Variants in RIT2 observed in about 807,000 individuals in gnomAD.
RIT2 encodes the protein GTP-binding protein Rit2.
RIT2 carries 24 observed loss-of-function variants against 23.7 expected under a neutral mutation model. The ratio of observed to expected loss-of-function variants is 1.01; its 90% CI spans 0.73 to 1.43. RIT2 has a LOEUF of 1.43. Among genes scored for constraint, RIT2 ranks in the 40% most tolerant of loss-of-function variants. The pLI is 0.00. For synonymous variants in RIT2, 107 were observed against 91.1 expected, an observed-to-expected ratio of 1.17 and a Z score of -0.99; for missense variants, 236 against 266.9, an observed-to-expected ratio of 0.88 and a Z score of 0.81.
chr18:43,102,905 C>T (rs1433909694), intron 1 of RIT2, among the ~76,000 whole-genome samples: 1 of 152,264 alleles, frequency 6.6e-6, no homozygotes, highest in Admixed American at 6.5e-5. Flanking sequence ...CTGCCCACCT[C>T]GGCCTCCCAA....
At chr18:42,835,092 T>G (rs943650349) in intron 4 of RIT2, among the ~76,000 whole-genome samples, 1 of 152,302 alleles carries the variant, frequency 6.6e-6, no homozygotes, top group East Asian at 1.9e-4. Context: ...ATGTTTCACT[T>G]TTAACTATTT....
chr18:43,061,790 C>T (rs1466271387), intron 1 of RIT2, among the ~76,000 whole-genome samples: 3 of 152,106 alleles, frequency 2.0e-5, no homozygotes, highest in East Asian at 3.9e-4. Flanking sequence ...CTTTCGGTTG[C>T]TCTATAAACT....
At chr18:43,090,436 T>C (rs561028649) in intron 1 of RIT2, among the ~76,000 whole-genome samples, 2 of 152,166 alleles carry the variant, frequency 1.3e-5, no homozygotes, top group South Asian at 2.1e-4. Context: ...GTGTAAATAG[T>C]TCAGCCATGT....
chr18:42,744,552 A>T (rs1912873851), intron 4 of RIT2, among the ~76,000 whole-genome samples: 1 of 152,152 alleles, frequency 6.6e-6, no homozygotes, highest in South Asian at 2.1e-4. Flanking sequence ...TTAGCTTTGC[A>T]AACTTGGTTA....
At chr18:42,995,169 C>T (rs540556946) in intron 2 of RIT2, among the ~76,000 whole-genome samples, 47 of 152,256 alleles carry the variant, frequency 3.1e-4, no homozygotes, top group South Asian at 2.9e-3. Context: ...ACTGGCCCAC[C>T]TCTTAAAACC....
At chr18:42,860,860 G>A (rs547974159) in intron 4 of RIT2, among the ~76,000 whole-genome samples, 5 of 152,218 alleles carry the variant, frequency 3.3e-5, no homozygotes, top group Middle Eastern at 3.4e-3. Context: ...AAGCACCTGC[G>A]CAGGTTACCC....
intron 1 of RIT2, among the ~76,000 whole-genome samples, chr18:43,109,916 C>T (rs72896745): frequency 0.05 from 7,550 of 152,098 alleles, 270 homozygotes; most frequent in Middle Eastern, 0.095. Context: ...CATTGGGAAC[C>T]TTTTTCTGCT....
chr18:42,778,049 C>G (rs560814760), intron 4 of RIT2, among the ~76,000 whole-genome samples: 1 of 152,172 alleles, frequency 6.6e-6, no homozygotes, highest in Non-Finnish European at 1.5e-5. Flanking sequence ...TGCCCTACAA[C>G]TGCCATTTGG....
At chr18:43,030,737 G>A (rs1911834239) in intron 2 of RIT2, among the ~76,000 whole-genome samples, 1 of 151,938 alleles carries the variant, frequency 6.6e-6, no homozygotes, top group South Asian at 2.1e-4. Flanking sequence ...TTTTGTGAGT[G>A]GTTTAATGTA....
intron 4 of RIT2, among the ~76,000 whole-genome samples, chr18:42,794,952 C>A (rs760045094): frequency 6.6e-6 from 1 of 152,170 alleles, no homozygotes; most frequent in African/African-American, 2.4e-5. Context: ...TGAAAAAAAT[C>A]TTTAATATGT....
At chr18:42,974,962 C>T (rs907392842) in intron 2 of RIT2, among the ~76,000 whole-genome samples, 2 of 152,032 alleles carry the variant, frequency 1.3e-5, no homozygotes, top group South Asian at 2.1e-4. Flanking sequence ...AAATGTCATA[C>T]CTGCCAAAGG....
chr18:42,809,011 T>G (rs1905765289), intron 4 of RIT2, among the ~76,000 whole-genome samples: 1 of 152,104 alleles, frequency 6.6e-6, no homozygotes, highest in South Asian at 2.1e-4. Context: ...GGGTGAAATT[T>G]TGGATTCAAA....
chr18:42,851,711 G>A (rs151019005), intron 4 of RIT2, among the ~76,000 whole-genome samples: 4 of 152,040 alleles, frequency 2.6e-5, no homozygotes, highest in Admixed American at 6.6e-5. Flanking sequence ...TTAGCCAGGC[G>A]TGGTGGCACA....
intron 2 of RIT2, among the ~76,000 whole-genome samples, chr18:42,994,998 C>T (rs1910946455): frequency 1.3e-5 from 2 of 152,120 alleles, no homozygotes; most frequent in Admixed American, 6.6e-5. Flanking sequence ...ACACCTGACC[C>T]TCACGACTGC....
intron 4 of RIT2, among the ~76,000 whole-genome samples, chr18:42,834,078 G>C (rs1380863853): frequency 6.6e-6 from 1 of 152,122 alleles, no homozygotes; most frequent in East Asian, 1.9e-4. Flanking sequence ...CTCTCCCCAA[G>C]CTGATGTGGA....
At chr18:42,876,348 CTTT>C (rs200902270) in intron 4 of RIT2, among the ~76,000 whole-genome samples, 1 of 139,838 alleles carries the variant, frequency 7.2e-6, no homozygotes, top group Non-Finnish European at 1.6e-5. Flanking sequence ...GTGCCTGAAA[CTTT>C]TTTTTTTTTT....
chr18:42,954,132 C>T (rs1307371048), intron 3 of RIT2, among the ~76,000 whole-genome samples: 3 of 152,032 alleles, frequency 2.0e-5, no homozygotes, highest in Non-Finnish European at 1.5e-5. Context: ...AATCCCAGCA[C>T]TTTGGGAGGC....
intron 1 of RIT2, among the ~76,000 whole-genome samples, chr18:43,113,873 C>A (rs938560984): frequency 6.6e-6 from 1 of 151,820 alleles, no homozygotes; most frequent in Non-Finnish European, 1.5e-5. Context: ...GTGGATTGGT[C>A]TTTTGCCTGT....
In RIT2 at chr18:42,827,279, G is replaced by T. The variant is rs370267612; in HGVS notation, c.427-83559C>A. Among the ~76,000 whole-genome samples the T allele has an allele frequency of 3.2e-3, 485 of 152,200 alleles. 7 individuals carry two copies. The highest frequency in any genetic ancestry group is 0.011 in the African/African-American group (446 of 41,536). On this transcript the variant is annotated intron_variant, in intron 4 of 4. Coordinates refer to ENST00000326695, the MANE Select transcript of RIT2 (RefSeq NM_002930.4). ...TTAATAAACATTGTTGAAGCAATAGGTTTTCTAATTGAGAAAAATAAAATA... is the reference window on the plus strand; with the variant it reads ...TTAATAAACATTGTTGAAGCAATAGTTTTTCTAATTGAGAAAAATAAAATA...
Sources: gnomAD v4.1 joint callset for allele counts (sites outside exome capture counted in the v4.1 genomes callset) on GRCh38, gnomAD v4.1.1 for gene constraint, MANE v1.5 for transcripts, NCBI Gene and HGNC (gene_info 2026-07-23, HGNC 2026-07-21) for gene names.